Variants in NAALADL2 observed in about 807,000 individuals in gnomAD.
NAALADL2 encodes the protein N-acetylated alpha-linked acidic dipeptidase like 2, also known as inactive N-acetylated-alpha-linked acidic dipeptidase-like protein 2.
In NAALADL2, 76 loss-of-function variants were observed where a neutral mutation model predicts 87.2. The ratio of observed to expected loss-of-function variants is 0.87; its 90% CI spans 0.72 to 1.05. The LOEUF (loss-of-function observed/expected upper bound fraction) is 1.05, where lower values mean the gene tolerates loss of function less well. NAALADL2 is among the 50% of genes least tolerant of loss of function. The pLI is 0.00. For missense variants in NAALADL2, 1,089 were observed against 945.8 expected (o/e 1.15, Z -1.99); for synonymous variants, 354 against 331.0 (o/e 1.07, Z -0.75).
At chr3:174,502,506 T>C (rs1718959645) in intron 1 of NAALADL2, among the ~76,000 whole-genome samples, 1 of 152,224 alleles carries the variant, frequency 6.6e-6, no homozygotes, top group Admixed American at 6.5e-5. Context: ...ACATTATTTA[T>C]GGTCATTAAA....
chr3:175,676,296 T>C (rs968558010), intron 11 of NAALADL2: 2 of 152,088 alleles, frequency 1.3e-5, no homozygotes, highest in Non-Finnish European at 2.9e-5. Context: ...AGTTCCTGAG[T>C]TGGCACCAGC....
rs3040106 is a variant in NAALADL2, at chr3:174,819,058, C to CTTTTTTTTTTTTTT, written c.-9+81327_-9+81340dup. Among the ~76,000 whole-genome samples, 13 of 47,544 alleles carry CTTTTTTTTTTTTTT rather than the reference C, an allele frequency of 2.7e-4. 1 individual carries two copies. The highest frequency in any genetic ancestry group is 4.4e-4 in the Non-Finnish European group (11 of 25,124). The allele number at this position is 47,544 out of a possible 152,430, so 31.2% of individuals were successfully genotyped here. ...GAATTTCTTTATTATACCATTTATTCTTTTTTTTTTTTTTTTTTTTTTTTT... is the reference window on the plus strand; with the variant it reads ...GAATTTCTTTATTATACCATTTATTCTTTTTTTTTTTTTTTTTTTTTTTTTTTTTTTTTTTTTTT... On this transcript the variant is annotated intron_variant, in intron 3 of 3. Transcript: ENST00000434257.
intron 4 of NAALADL2, among the ~76,000 whole-genome samples, chr3:175,273,885 T>C (rs1753209272): frequency 6.6e-6 from 1 of 152,172 alleles, no homozygotes; most frequent in Admixed American, 6.5e-5. Flanking sequence ...GCTGTTACAG[T>C]TTTTAAATTT....
intron 9 of NAALADL2, among the ~76,000 whole-genome samples, chr3:175,484,388 T>TTA (rs1313244390): frequency 1.3e-5 from 2 of 152,086 alleles, no homozygotes; most frequent in African/African-American, 2.4e-5. Context: ...AAGATACCTT[T>TTA]TAATCATTAT....
chr3:174,795,899 G>T (rs1718027728), intron 3 of NAALADL2, among the ~76,000 whole-genome samples: 1 of 152,088 alleles, frequency 6.6e-6, no homozygotes, highest in South Asian at 2.1e-4. Context: ...TTGTTGATTT[G>T]TAAGATTTCT....
intron 10 of NAALADL2, among the ~76,000 whole-genome samples, chr3:175,593,442 A>G (rs1721813509): frequency 6.6e-6 from 1 of 152,128 alleles, no homozygotes; most frequent in Non-Finnish European, 1.5e-5. Context: ...CAGGACAGTG[A>G]AGTGGGTTAA....
chr3:175,539,380 G>A (rs774408867), intron 9 of NAALADL2, among the ~76,000 whole-genome samples: 7 of 152,048 alleles, frequency 4.6e-5, no homozygotes, highest in Non-Finnish European at 1.0e-4. Context: ...TGACAGTTAC[G>A]CATTAATCTC....
At chr3:175,636,732 G>C (rs938714212) in intron 11 of NAALADL2, among the ~76,000 whole-genome samples, 5 of 148,206 alleles carry the variant, frequency 3.4e-5, no homozygotes, top group Non-Finnish European at 4.5e-5. Context: ...AAAGAAAAAA[G>C]CTTCTAGGAA....
chr3:174,492,735 T>G (rs1052321479), intron 1 of NAALADL2, among the ~76,000 whole-genome samples: 1 of 152,216 alleles, frequency 6.6e-6, no homozygotes. Context: ...CTAGATCACT[T>G]CCAACAGTGC....
intron 2 of NAALADL2, among the ~76,000 whole-genome samples, chr3:174,731,115 A>G (rs998167601): frequency 1.8e-4 from 28 of 152,178 alleles, no homozygotes; most frequent in African/African-American, 5.1e-4. Context: ...CCCACACACT[A>G]TCATGGAAAG....
chr3:174,805,959 G>C (rs1719425263), intron 3 of NAALADL2, among the ~76,000 whole-genome samples: 1 of 152,074 alleles, frequency 6.6e-6, no homozygotes, highest in Admixed American at 6.6e-5. Context: ...AGCTAACTTT[G>C]TTCTTGACTA....
At chr3:175,123,763 A>G (rs1726499272) in intron 2 of NAALADL2, among the ~76,000 whole-genome samples, 1 of 151,890 alleles carries the variant, frequency 6.6e-6, no homozygotes, top group Non-Finnish European at 1.5e-5. Flanking sequence ...GCCCTTACCA[A>G]TCTTCTATAA....
intron 2 of NAALADL2, among the ~76,000 whole-genome samples, chr3:175,104,968 A>T (rs1412469783): frequency 6.6e-6 from 1 of 152,020 alleles, no homozygotes; most frequent in Non-Finnish European, 1.5e-5. Context: ...GATTCAACTC[A>T]CAGATCCAAG....
At chr3:174,548,936 G>T (rs897011655) in intron 1 of NAALADL2, among the ~76,000 whole-genome samples, 1 of 152,102 alleles carries the variant, frequency 6.6e-6, no homozygotes, top group Non-Finnish European at 1.5e-5. Context: ...ATCTCTCTGG[G>T]CTCAGCTGAT....
At chr3:174,750,966 A>G (rs1485343839) in intron 3 of NAALADL2, among the ~76,000 whole-genome samples, 3 of 152,168 alleles carry the variant, frequency 2.0e-5, no homozygotes, top group Admixed American at 1.3e-4. Context: ...ATATATTCAC[A>G]TATATTCTAT....
At chr3:175,043,691 G>T (rs1435002259) in intron 1 of NAALADL2, among the ~76,000 whole-genome samples, 1 of 152,204 alleles carries the variant, frequency 6.6e-6, no homozygotes, top group African/African-American at 2.4e-5. Flanking sequence ...GACCTTAAAA[G>T]CATGGGTTTA....
rs533979094 is a variant in NAALADL2 at position 175,464,076 on chromosome 3, TC to T, written c.1327+585del. ...GTCTTGCACTCCTATCCTCATGTGA[TC>T]CACCAGCCTTGGCCTCCCAAAGTGC... On this transcript the variant is annotated intron_variant, in intron 7 of 13. Transcript: ENST00000454872. 7.9e-3 allele frequency among the ~76,000 whole-genome samples: 1,198 copies of T among 152,238 alleles called. 7 individuals carry two copies. Among genetic ancestry groups the T allele is most frequent in the Non-Finnish European group, 0.014 (937 of 67,996 alleles).
chr3:175,423,770 G>T (rs138591087), intron 5 of NAALADL2, among the ~76,000 whole-genome samples: 75 of 152,102 alleles, frequency 4.9e-4, no homozygotes, highest in African/African-American at 1.8e-3. Context: ...TAATCCTTTG[G>T]GTATACACCC....
chr3:175,366,276 G>A (rs1278344172), intron 5 of NAALADL2, among the ~76,000 whole-genome samples: 1 of 150,896 alleles, frequency 6.6e-6, no homozygotes, highest in Non-Finnish European at 1.5e-5. Flanking sequence ...CATTTGGGTT[G>A]GTTCCAAGTC....
Sources: allele counts gnomAD v4.1 joint callset (sites outside exome capture counted in the v4.1 genomes callset), GRCh38; gene constraint gnomAD v4.1.1; transcripts MANE v1.5; gene names NCBI Gene and HGNC (gene_info 2026-07-23, HGNC 2026-07-21).